The following WIPI1 variants were observed in gnomAD, a reference collection of about 807,000 sequenced individuals.
WIPI1 encodes the protein WD repeat domain phosphoinositide-interacting protein 1.
Under a neutral mutation model 55.3 loss-of-function variants are expected in WIPI1, and 45 were observed. The ratio of observed to expected loss-of-function variants is 0.81; its 90% CI spans 0.64 to 1.04. The LOEUF (loss-of-function observed/expected upper bound fraction) is 1.04, where lower values mean the gene tolerates loss of function less well. WIPI1 is among the 50% of genes least tolerant of loss of function. The pLI, the probability that WIPI1 is intolerant of heterozygous loss-of-function variation, is 0.00. For synonymous variants in WIPI1, 195 were observed against 217.6 expected (o/e 0.90, Z 0.92); for missense variants, 445 against 559.0 (o/e 0.80, Z 2.06).
chr17:68,421,865 G>T, intron 12 of WIPI1, 45 bp from the exon 13 acceptor site: 1 of 1,609,170 alleles, frequency 6.2e-7, no homozygotes, highest in Non-Finnish European at 8.5e-7. Flanking sequence ...TCAGGAAGAG[G>T]CTGGTAGGCA....
At chr17:68,453,169 A>G (rs557979811) in intron 1 of WIPI1, among the ~76,000 whole-genome samples, 177 bp from the exon 2 acceptor site, 9 of 152,334 alleles carry the variant, frequency 5.9e-5, no homozygotes, top group African/African-American at 1.9e-4. Flanking sequence ...CAGGAAGAGC[A>G]AAAGAAAAGA....
chr17:68,424,737 C>G (rs1026122531), intron 12 of WIPI1, among the ~76,000 whole-genome samples: 6 of 152,090 alleles, frequency 3.9e-5, no homozygotes, highest in Admixed American at 2.0e-4. Flanking sequence ...ATTAGTTGGG[C>G]ATGGTGGCGC....
At chr17:68,424,964 C>T (rs1046719033) in intron 12 of WIPI1, among the ~76,000 whole-genome samples, 2 of 152,200 alleles carry the variant, frequency 1.3e-5, no homozygotes, top group Admixed American at 6.5e-5. Context: ...CTCACAAGAG[C>T]GGTCTATATG....
At chr17:68,440,773 A>T (rs931437268) in intron 4 of WIPI1, 1 of 152,242 alleles carries the variant, frequency 6.6e-6, no homozygotes, top group Non-Finnish European at 1.5e-5. Flanking sequence ...AAGTCCCATG[A>T]TTCTAAATGA....
intron 5 of WIPI1, 118 bp downstream of exon 5, chr17:68,436,263 CA>C: frequency 2.4e-6 from 2 of 846,036 alleles, no homozygotes; most frequent in Non-Finnish European, 4.0e-6. Flanking sequence ...AACAACTCCC[CA>C]GTATTGCTTA....
intron 7 of WIPI1, among the ~76,000 whole-genome samples, 200 bp from the exon 8 acceptor site, chr17:68,433,775 T>TTTTTTG (rs2083639989): frequency 3.3e-5 from 2 of 61,516 alleles, no homozygotes; most frequent in African/African-American, 1.0e-4. Context: ...TTTTTTTTTT[T>TTTTTTG]TTTTTTTTTT....
chr17:68,446,002 C>A (rs1052943910), intron 3 of WIPI1, among the ~76,000 whole-genome samples: 2 of 152,120 alleles, frequency 1.3e-5, no homozygotes, highest in Non-Finnish European at 2.9e-5. Flanking sequence ...TCAGCCAGCT[C>A]CTTTTATTCC....
At chr17:68,437,012 A>G (rs145807806) in intron 4 of WIPI1, among the ~76,000 whole-genome samples, 14,809 of 81,768 alleles carry the variant, frequency 0.18, 846 homozygotes, top group South Asian at 0.34. Flanking sequence ...AAAAATATAT[A>G]TATATGTGTG....
At chr17:68,448,651 C>T (rs770517276) in intron 3 of WIPI1, among the ~76,000 whole-genome samples, 3 of 152,172 alleles carry the variant, frequency 2.0e-5, no homozygotes, top group Non-Finnish European at 4.4e-5. Flanking sequence ...ATACAATAGA[C>T]GCTATTTGAG....
chr17:68,449,182 T>C (rs2084399339), intron 3 of WIPI1, among the ~76,000 whole-genome samples: 3 of 152,252 alleles, frequency 2.0e-5, no homozygotes, highest in African/African-American at 7.2e-5. Context: ...CTTAATTGAA[T>C]AGATAAATCT....
chr17:68,450,511 C>G (rs1389686994), intron 3 of WIPI1, among the ~76,000 whole-genome samples: 1 of 152,226 alleles, frequency 6.6e-6, no homozygotes, highest in Non-Finnish European at 1.5e-5. Context: ...GACCAACGTT[C>G]TGGAAACATG....
intron 6 of WIPI1, among the ~76,000 whole-genome samples, chr17:68,435,074 G>C (rs2083716609): frequency 6.6e-6 from 1 of 152,166 alleles, no homozygotes; most frequent in South Asian, 2.1e-4. Context: ...AGGCGTGGCA[G>C]CATGTGCCTG....
rs1393999067 is a variant in WIPI1, at chr17:68,421,587, T to C, written c.*186A>G. 1.2e-5 allele frequency: 9 copies of C among 722,742 alleles called. No individual in the cohort carries two copies. Among genetic ancestry groups the C allele is most frequent in the South Asian group, 3.3e-5 (2 of 61,108 alleles). The allele number at this position is 722,742 out of a possible 1,614,324, so 44.8% of individuals were successfully genotyped here. On this transcript the variant is annotated 3_prime_UTR_variant, in exon 13 of 13. Transcript: ENST00000262139. The stretch of plus-strand genomic sequence containing the variant: ...GTGTATACAATGTCTCCCGCGCCCA[T>C]TGGCAACCAGGGTCGTGGGAAGCTT...
chr17:68,443,355 C>T (rs79690824), intron 4 of WIPI1, among the ~76,000 whole-genome samples: 15,500 of 152,212 alleles, frequency 0.1, 875 homozygotes, highest in South Asian at 0.23. Flanking sequence ...TCAGGTGATC[C>T]ACCCGCCTCG....
chr17:68,454,623 A>G (rs969420593), intron 1 of WIPI1, among the ~76,000 whole-genome samples: 2 of 152,250 alleles, frequency 1.3e-5, no homozygotes, highest in Non-Finnish European at 2.9e-5. Flanking sequence ...ACAAACAGCA[A>G]CTGGAAAAGT....
In WIPI1 at chr17:68,423,835, C is replaced by G. The variant is rs942729917; in HGVS notation, c.1294-2015G>C. Among the ~76,000 whole-genome samples, 6 of 152,160 alleles carry G rather than the reference C, an allele frequency of 3.9e-5. No homozygotes were observed. The highest frequency in any genetic ancestry group is 2.1e-4 in the South Asian group (1 of 4,820). On this transcript the variant is annotated intron_variant, in intron 12 of 12. Coordinates refer to ENST00000262139, the MANE Select transcript of WIPI1 (RefSeq NM_017983.7). The surrounding 1 kb of genome is among the most constrained non-coding windows in gnomAD (Gnocchi z 4.4). ...CCTAGATACTAATATCCACATTACCCCAATTCTGTAACTATAAGAGGTTGC... is the reference window on the plus strand; with the variant it reads ...CCTAGATACTAATATCCACATTACCGCAATTCTGTAACTATAAGAGGTTGC...
chr17:68,421,665 C>T lies in WIPI1; in HGVS notation c.*108G>A, dbSNP rs1482349734. ...TTAAGCAGTGGAGCACCCGGGATTC[C>T]TGCCCCCCTTTCTGCTCACACAATT... On this transcript the variant is annotated 3_prime_UTR_variant, in exon 13 of 13. Coordinates refer to ENST00000262139, the MANE Select transcript of WIPI1 (RefSeq NM_017983.7). The T allele has an allele frequency of 9.9e-5, 150 of 1,509,446 alleles. No individual in the cohort carries two copies. The highest frequency in any genetic ancestry group is 1.4e-4 in the Non-Finnish European group (148 of 1,088,406). The allele number at this position is 1,509,446 out of a possible 1,614,324, so 93.5% of individuals were successfully genotyped here.
chr17:68,428,485 G>T, intron 10 of WIPI1: 1 of 206,842 alleles, frequency 4.8e-6, no homozygotes, highest in Non-Finnish European at 9.9e-6. Context: ...CACCCGCTTC[G>T]GCCTCCCAAA....
intron 6 of WIPI1, 135 bp from the exon 7 acceptor site, chr17:68,434,761 G>C: frequency 2.5e-6 from 2 of 814,522 alleles, no homozygotes; most frequent in South Asian, 3.6e-5. Context: ...GAGCATAGAG[G>C]CATGTTTATT....
Sources: allele counts gnomAD v4.1 joint callset (sites outside exome capture counted in the v4.1 genomes callset), GRCh38; gene constraint gnomAD v4.1.1; non-coding constraint Gnocchi (gnomAD v3.1); transcripts MANE v1.5; gene names NCBI Gene and HGNC (gene_info 2026-07-23, HGNC 2026-07-21).